NCKAP5: variants seen among roughly 807,000 people sequenced by gnomAD.
NCKAP5 encodes NCK associated protein 5.
NCKAP5 carries 92 observed loss-of-function variants against 167.0 expected under a neutral mutation model. The ratio of observed to expected loss-of-function variants is 0.55; its 90% confidence interval spans 0.47 to 0.66. The LOEUF is 0.66. Ranked by LOEUF, NCKAP5 falls within the 30% of genes least tolerant of loss-of-function variation. The pLI, the probability that NCKAP5 is intolerant of heterozygous loss-of-function variation, is 0.00. For synonymous variants in NCKAP5, 891 were observed against 877.4 expected (o/e 1.02, Z -0.27); for missense variants, 2,378 against 2,315.0 (o/e 1.03, Z -0.56).
chr2:132,776,755 C>T (rs1682586733), intron 15 of NCKAP5, among the ~76,000 whole-genome samples: 1 of 152,102 alleles, frequency 6.6e-6, no homozygotes, highest in East Asian at 1.9e-4. Context: ...GCAGCAGATT[C>T]CCCTTGCTAA....
chr2:132,819,164 G>A (rs752856813), intron 11 of NCKAP5, among the ~76,000 whole-genome samples: 1 of 152,148 alleles, frequency 6.6e-6, no homozygotes, highest in African/African-American at 2.4e-5. Flanking sequence ...GTCTTATGTT[G>A]CATATGGCAT....
chr2:132,873,779 G>A (rs1158272714), intron 9 of NCKAP5, among the ~76,000 whole-genome samples: 1 of 152,160 alleles, frequency 6.6e-6, no homozygotes, highest in Non-Finnish European at 1.5e-5. Context: ...ATAAATGAGT[G>A]CTCATCTCTG....
At chr2:133,382,895 T>A (rs1229644515) in intron 3 of NCKAP5, among the ~76,000 whole-genome samples, 1 of 152,114 alleles carries the variant, frequency 6.6e-6, no homozygotes, top group Non-Finnish European at 1.5e-5. Flanking sequence ...CCTCAGTGTC[T>A]TACCAAAGGC....
At chr2:133,238,515 C>A (rs2087531126) in intron 4 of NCKAP5, among the ~76,000 whole-genome samples, 1 of 152,204 alleles carries the variant, frequency 6.6e-6, no homozygotes. Context: ...AAAGAAGACA[C>A]AGGCACCGTT....
At chr2:132,887,243 G>C (rs1692302192) in intron 8 of NCKAP5, among the ~76,000 whole-genome samples, 1 of 151,870 alleles carries the variant, frequency 6.6e-6, no homozygotes, top group Non-Finnish European at 1.5e-5. Flanking sequence ...TATGACTGTG[G>C]TGGTTGCCAA....
At chr2:132,934,122 C>T (rs1696657800) in intron 8 of NCKAP5, among the ~76,000 whole-genome samples, 1 of 152,190 alleles carries the variant, frequency 6.6e-6, no homozygotes, top group African/African-American at 2.4e-5. Context: ...TAACTTTATG[C>T]ATAAGTTGTT....
intron 16 of NCKAP5, among the ~76,000 whole-genome samples, chr2:132,738,854 AC>A (rs995755667): frequency 6.6e-6 from 1 of 152,056 alleles, no homozygotes; most frequent in African/African-American, 2.4e-5. Flanking sequence ...GTGAACCAAT[AC>A]AGTGAGATCT....
chr2:133,143,040 G>A (rs765625648), intron 5 of NCKAP5, among the ~76,000 whole-genome samples: 5 of 151,992 alleles, frequency 3.3e-5, no homozygotes, highest in Admixed American at 6.6e-5. Context: ...TGTCTTGAAA[G>A]CCCTTCTAGA....
At chr2:132,877,221 A>G (rs1342306327) in intron 9 of NCKAP5, among the ~76,000 whole-genome samples, 1 of 152,226 alleles carries the variant, frequency 6.6e-6, no homozygotes, top group Non-Finnish European at 1.5e-5. Flanking sequence ...TTTAGTGTTT[A>G]ACTTTGGACA....
chr2:133,510,269 A>T (rs1300140646), intron 3 of NCKAP5, among the ~76,000 whole-genome samples: 1 of 152,082 alleles, frequency 6.6e-6, no homozygotes. Flanking sequence ...CCCATCGCTC[A>T]CCAGGTTCTC....
At chr2:133,322,894 C>T (rs1484253019) in intron 3 of NCKAP5, among the ~76,000 whole-genome samples, 1 of 152,204 alleles carries the variant, frequency 6.6e-6, no homozygotes, top group African/African-American at 2.4e-5. Context: ...GGGGTGAGAC[C>T]TGAAAATTTG....
intron 5 of NCKAP5, among the ~76,000 whole-genome samples, chr2:133,160,433 CTT>C (rs869057265): frequency 0.17 from 16,800 of 100,606 alleles, 973 homozygotes; most frequent in East Asian, 0.41. Flanking sequence ...CTTTTCCTTT[CTT>C]TTTCTTTTTT....
Position 133,406,174 on chromosome 2 carries a change from A to T in NCKAP5, c.70-103064T>A, listed in dbSNP as rs973028004. Among the ~76,000 whole-genome samples the T allele has an allele frequency of 7.2e-5, 11 of 152,338 alleles. No homozygotes were observed. The East Asian group carries it at 2.1e-3, about 29-fold the overall frequency. On this transcript the variant is annotated intron_variant, in intron 3 of 19. Coordinates refer to ENST00000409261, the MANE Select transcript of NCKAP5 (RefSeq NM_207363.3). Reference sequence around the variant, plus strand: ...GCATCCCTGGAACAGTTAGAAGAAGAGAGGCTTTAGGCAGTTTTACCTGAG... The same window carrying T: ...GCATCCCTGGAACAGTTAGAAGAAGTGAGGCTTTAGGCAGTTTTACCTGAG...
rs559467636 is a variant in NCKAP5 at position 133,387,700 on chromosome 2, C to G, written c.70-84590G>C. Among the ~76,000 whole-genome samples, 10 of 152,308 alleles carry G rather than the reference C, an allele frequency of 6.6e-5. No individual in the cohort carries two copies. The South Asian group carries it at 2.1e-3, about 32-fold the overall frequency. On this transcript the variant is annotated intron_variant, in intron 3 of 19. Coordinates refer to ENST00000409261, the MANE Select transcript of NCKAP5 (RefSeq NM_207363.3). ...TATACCAGTCAGACGTAGATTTGGT[C>G]TTTTCAAATGGTCCCATATTTCTTG...
At chr2:132,937,252 G>A (rs759411477) in intron 8 of NCKAP5, among the ~76,000 whole-genome samples, 12 of 152,164 alleles carry the variant, frequency 7.9e-5, no homozygotes, top group Admixed American at 3.3e-4. Context: ...CATGGGCATG[G>A]TAAAGGGATC....
At position 132,767,315 on chromosome 2, in the gene NCKAP5, C is replaced by T. The variant is rs145670838; in HGVS notation, c.5128+6501G>A. On this transcript the variant is annotated intron_variant, in intron 16 of 19. Coordinates refer to ENST00000409261, the MANE Select transcript of NCKAP5 (RefSeq NM_207363.3). Reference sequence around the variant, plus strand: ...AGGCTGGAGTGCAATGGTGCAATCTCGGCTCACCGCAACCTCCGCCTCCCA... The same window carrying T: ...AGGCTGGAGTGCAATGGTGCAATCTTGGCTCACCGCAACCTCCGCCTCCCA... Among the ~76,000 whole-genome samples, 13 of 152,154 alleles carry T rather than the reference C, an allele frequency of 8.5e-5. No individual in the cohort carries two copies. The East Asian group carries it at 1.7e-3, about 20-fold the overall frequency.
At chr2:132,843,355 T>A (rs1268707080) in intron 11 of NCKAP5, among the ~76,000 whole-genome samples, 1 of 152,140 alleles carries the variant, frequency 6.6e-6, no homozygotes, top group Admixed American at 6.5e-5. Context: ...AGTTTTTGCT[T>A]TGTATGTTTA....
intron 4 of NCKAP5, among the ~76,000 whole-genome samples, chr2:133,215,566 C>T (rs2086391750): frequency 1.3e-5 from 2 of 152,088 alleles, no homozygotes; most frequent in African/African-American, 4.8e-5. Context: ...GCTGAAAATG[C>T]ACACACCCAT....
In NCKAP5 at chr2:132,796,625, C is replaced by T. The variant is rs757382316; in HGVS notation, c.909+3G>A. On this transcript the variant is annotated splice_donor_region_variant and intron_variant, in intron 12 of 19. Coordinates refer to ENST00000409261, the MANE Select transcript of NCKAP5 (RefSeq NM_207363.3). ...GTGTTCTGAAGGCAACTGGGAAACT[C>T]ACGTGCACCTCAGCATCAGTTCGTG... 1.6e-5 allele frequency: 25 copies of T among 1,606,442 alleles called. No individual in the cohort carries two copies. The highest frequency in any genetic ancestry group is 2.1e-5 in the Non-Finnish European group (25 of 1,174,812).
Sources: allele counts gnomAD v4.1 joint callset (sites outside exome capture counted in the v4.1 genomes callset), GRCh38; gene constraint gnomAD v4.1.1; transcripts MANE v1.5; gene names NCBI Gene and HGNC (gene_info 2026-07-23, HGNC 2026-07-21).